Variants in DNMBP observed in about 807,000 individuals in gnomAD.
DNMBP encodes dynamin-binding protein.
In DNMBP, 87 loss-of-function variants were observed where a neutral mutation model predicts 150.0. The ratio of observed to expected loss-of-function variants is 0.58; its 90% CI spans 0.49 to 0.69. The LOEUF is 0.69. DNMBP is among the 30% of genes least tolerant of loss of function. The probability of loss-of-function intolerance (pLI) is 0.00; values close to 1 mark genes in which losing one functional copy is unlikely to be tolerated. For missense variants in DNMBP, 1,774 were observed against 1,949.0 expected (o/e 0.91, Z 1.69); for synonymous variants, 711 against 750.4 (o/e 0.95, Z 0.86).
intron 1 of DNMBP, among the ~76,000 whole-genome samples, chr10:99,986,728 T>C (rs1297519608): frequency 6.7e-6 from 1 of 149,318 alleles, no homozygotes; most frequent in Non-Finnish European, 1.5e-5. Context: ...CCATACAGTA[T>C]ATCAAGGCCC....
chr10:99,955,894 G>A lies in DNMBP; in HGVS notation c.1580C>T (p.Pro527Leu), dbSNP rs150179241. 2.0e-5 allele frequency: 33 copies of A among 1,614,038 alleles called. No homozygotes were observed. The highest frequency in any genetic ancestry group is 8.0e-5 in the African/African-American group (6 of 74,920). Residue 527 changes from proline (P) to leucine (L), a missense_variant, in exon 4 of 17, where the codon CCG (proline) becomes CTG (leucine). This residue lies in a region of DNMBP where 1,430 missense variants were observed against 1,492.5 expected (regional missense o/e 0.96). Transcript: ENST00000324109. Reference protein sequence around the residue: ...ISERLEMKPGPQAQGLVMEAA... With the variant: ...ISERLEMKPGLQAQGLVMEAA... ...TTCCATAACAAGCCCTTGGGCTTGC[G>A]GACCAGGCTTCATCTCCAATCTCTC...
At chr10:99,938,650 T>C (rs1316597124) in intron 4 of DNMBP, among the ~76,000 whole-genome samples, 2 of 152,214 alleles carry the variant, frequency 1.3e-5, no homozygotes, top group East Asian at 3.8e-4. Context: ...TTTAGGACTT[T>C]AAAGATAAGC....
chr10:99,936,488 G>C (rs1020330891), intron 4 of DNMBP, among the ~76,000 whole-genome samples: 3 of 150,426 alleles, frequency 2.0e-5, no homozygotes, highest in Non-Finnish European at 4.4e-5. Flanking sequence ...CTCCAACAAA[G>C]AACCCTTTAC....
At position 99,923,865 on chromosome 10, in the gene DNMBP, G is replaced by A. The variant is rs1439052059; in HGVS notation, c.2261-14719C>T. Among the ~76,000 whole-genome samples the A allele has an allele frequency of 2.0e-5, 3 of 152,108 alleles. No individual in the cohort carries two copies. The East Asian group carries it at 5.8e-4, about 29-fold the overall frequency. ...TTTCTAATAGCTCAAGCAAAAACTG[G>A]TCTTTCGGCTGGGCATAGTGGCTCA... On this transcript the variant is annotated intron_variant, in intron 4 of 16. Transcript: ENST00000324109.
rs112681493 is a variant in DNMBP at position 99,921,373 on chromosome 10, C to T, written c.2261-12227G>A. On this transcript the variant is annotated intron_variant, in intron 4 of 16. Coordinates refer to ENST00000324109, the MANE Select transcript of DNMBP (RefSeq NM_015221.4). ...AACCCTTGCTATTTAACTTCTGATA[C>T]ACACATTCTGGGACCCAAAGTAGAA... Among the ~76,000 whole-genome samples, 370 of 152,320 alleles carry T rather than the reference C, an allele frequency of 2.4e-3. 1 individual carries two copies. The highest frequency in any genetic ancestry group is 8.7e-3 in the African/African-American group (361 of 41,558).
chr10:99,880,580 T>C (rs1321372670), intron 15 of DNMBP, among the ~76,000 whole-genome samples: 2 of 152,042 alleles, frequency 1.3e-5, no homozygotes, highest in African/African-American at 4.8e-5. Context: ...TGTGTGTAGG[T>C]AGAGATGAAG....
At chr10:99,885,095 G>A (rs565688962) in intron 14 of DNMBP, among the ~76,000 whole-genome samples, 1 of 152,102 alleles carries the variant, frequency 6.6e-6, no homozygotes, top group African/African-American at 2.4e-5. Flanking sequence ...ACCATTAACT[G>A]TTTAGCTGTA....
chr10:99,905,494 G>T (rs1005939870), intron 6 of DNMBP, among the ~76,000 whole-genome samples: 11 of 152,270 alleles, frequency 7.2e-5, no homozygotes, highest in African/African-American at 2.4e-4. Flanking sequence ...TAATCTTGCA[G>T]TGTGGGAGGA....
At chr10:99,954,533 T>C (rs11190339) in intron 4 of DNMBP, among the ~76,000 whole-genome samples, 1 of 149,216 alleles carries the variant, frequency 6.7e-6, no homozygotes, top group South Asian at 2.2e-4. Context: ...TCACCTGAGG[T>C]CAGGAGTTCG....
chr10:99,913,784 A>G (rs1276708249), intron 4 of DNMBP, among the ~76,000 whole-genome samples: 2 of 152,168 alleles, frequency 1.3e-5, no homozygotes, highest in African/African-American at 2.4e-5. Context: ...CACACACTTC[A>G]GAGTTAAAGA....
chr10:99,882,934 G>A (rs569913460), intron 15 of DNMBP, among the ~76,000 whole-genome samples: 29 of 152,194 alleles, frequency 1.9e-4, no homozygotes, highest in Non-Finnish European at 3.2e-4. Flanking sequence ...AGGTGTGGTG[G>A]TGCGTGCTAC....
At chr10:99,933,518 G>A (rs902833230) in intron 4 of DNMBP, among the ~76,000 whole-genome samples, 22 of 152,114 alleles carry the variant, frequency 1.4e-4, no homozygotes, top group African/African-American at 2.4e-4. Flanking sequence ...TGGGTTCAGG[G>A]GGATCTGGCA....
rs1382700997 is a variant in DNMBP at position 99,908,005 on chromosome 10, G to A, written c.2544C>T (p.Ser848=). 6 of 1,613,192 alleles carry A rather than the reference G, an allele frequency of 3.7e-6. No individual in the cohort carries two copies. The highest frequency in any genetic ancestry group is 1.3e-5 in the African/African-American group (1 of 74,878). The stretch of plus-strand genomic sequence containing the variant: ...CACAGGAGCTCATACCTACAGCATC[G>A]CTGATTTCCAGAGCAGCCAATAATT... ...SKQLLAALEI[S]DAVGPVFLGH... is the part of the protein sequence containing the mutation. Residue 848 remains serine, a synonymous_variant, in exon 6 of 17, where the codon AGC becomes AGT. Coordinates refer to ENST00000324109, the MANE Select transcript of DNMBP (RefSeq NM_015221.4).
intron 1 of DNMBP, among the ~76,000 whole-genome samples, chr10:99,973,061 C>T (rs12265104): frequency 0.065 from 9,884 of 151,724 alleles, 445 homozygotes; most frequent in African/African-American, 0.12. Flanking sequence ...GGATTACAGG[C>T]GTGAGCCACT....
At chr10:99,879,347 C>T (rs2039327970) in intron 16 of DNMBP, among the ~76,000 whole-genome samples, 1 of 151,864 alleles carries the variant, frequency 6.6e-6, no homozygotes, top group Non-Finnish European at 1.5e-5. Context: ...ACCTGTAATC[C>T]CAGCTACTCA....
In DNMBP at chr10:99,898,269, T is replaced by A; in HGVS notation, c.2737A>T (p.Ile913Phe). The A allele has an allele frequency of 6.2e-7, 1 of 1,613,732 alleles. No homozygotes were observed. Among genetic ancestry groups the A allele is most frequent in the Non-Finnish European group, 8.5e-7 (1 of 1,179,670 alleles). ...LYNEWGCTNYINLGSFLIKPV... is the reference protein window; with the variant it reads ...LYNEWGCTNYFNLGSFLIKPV... ...TTGATGAGGAAGGAGCCCAGGTTAA[T>A]ATAATTTGTGCATCCCCTGTAAGAG... The change falls in exon 9 of 17, where the codon ATT (isoleucine) becomes TTT (phenylalanine). Residue 913 changes from isoleucine to phenylalanine, a missense_variant. By Grantham distance (21) the Ile-to-Phe change is conservative. This residue lies in a region of DNMBP where 1,430 missense variants were observed against 1,492.5 expected (regional missense o/e 0.96). Transcript: ENST00000324109.
Position 99,884,058 on chromosome 10 carries a change from T to A in DNMBP, c.3950A>T (p.Lys1317Ile), listed in dbSNP as rs777426720. Reference protein sequence around the residue: ...LEGDLVGVIKKKDPMGSQNRW... With the variant: ...LEGDLVGVIKIKDPMGSQNRW... ...GTTCTGGCTGCCCATGGGGTCTTTT[T>A]TCTTAATCACACCCACCAGGTCACC... Residue 1317 changes from lysine (K) to isoleucine (I), a missense_variant, in exon 15 of 17, where the codon AAA becomes ATA. Lys to Ile is a moderately radical substitution (Grantham distance 102, BLOSUM62 -3). Around this residue, in one of 2 missense-constraint regions of DNMBP, gnomAD observed 1,430 missense variants for 1,492.5 expected, o/e 0.96. Transcript: ENST00000324109. 1 of 1,614,056 alleles carries A rather than the reference T, an allele frequency of 6.2e-7. No individual in the cohort carries two copies. The highest frequency in any genetic ancestry group is 8.5e-7 in the Non-Finnish European group (1 of 1,180,046).
chr10:99,894,844 G>T, intron 11 of DNMBP, 102 bp downstream of exon 11: 2 of 853,846 alleles, frequency 2.3e-6, no homozygotes, highest in Non-Finnish European at 3.7e-6. Context: ...AGTAATTTGA[G>T]TCCAGATTAC....
At chr10:99,900,725 G>A (rs529650199) in intron 6 of DNMBP, among the ~76,000 whole-genome samples, 2 of 152,118 alleles carry the variant, frequency 1.3e-5, no homozygotes, top group South Asian at 4.2e-4. Flanking sequence ...CCGCCTCCCT[G>A]GTTCAAGTGA....
Sources: allele counts gnomAD v4.1 joint callset (sites outside exome capture counted in the v4.1 genomes callset), GRCh38; gene constraint gnomAD v4.1.1; regional missense constraint gnomAD v4.1.1; transcripts MANE v1.5; gene names NCBI Gene and HGNC (gene_info 2026-07-23, HGNC 2026-07-21).